Variants in C1QTNF7 observed in about 807,000 individuals in gnomAD.
C1QTNF7 encodes complement C1q tumor necrosis factor-related protein 7.
A neutral mutation model predicts 19.6 loss-of-function variants in C1QTNF7; 15 were observed. That is an observed-to-expected ratio of 0.76 (90% CI 0.51 to 1.18). The LOEUF is 1.18. Among genes scored for constraint, C1QTNF7 ranks in the 50% most tolerant of loss-of-function variants. C1QTNF7 has a pLI of 0.00. For missense variants in C1QTNF7, 324 were observed against 359.7 expected (o/e 0.90, Z 0.80); for synonymous variants, 142 against 137.5 (o/e 1.03, Z -0.23).
intron 1 of C1QTNF7, among the ~76,000 whole-genome samples, chr4:15,414,600 C>A (rs1428222016): frequency 6.6e-6 from 1 of 151,950 alleles, no homozygotes; most frequent in South Asian, 2.1e-4. Flanking sequence ...AGTTCCCCAA[C>A]CTGACTAGAA....
chr4:15,374,662 T>C, intron 1 of C1QTNF7: 1 of 985,268 alleles, frequency 1.0e-6, no homozygotes, highest in African/African-American at 1.7e-5. Context: ...CCCCAAAGAA[T>C]TATGAATAAT....
chr4:15,402,960 G>A (rs78245492), intron 1 of C1QTNF7, among the ~76,000 whole-genome samples: 7 of 149,760 alleles, frequency 4.7e-5, no homozygotes, highest in African/African-American at 1.7e-4. Context: ...AGAGGTGAAA[G>A]TTTGTTTTGC....
At chr4:15,412,334 C>G (rs1173435889) in intron 1 of C1QTNF7, among the ~76,000 whole-genome samples, 1 of 152,002 alleles carries the variant, frequency 6.6e-6, no homozygotes, top group African/African-American at 2.4e-5. Flanking sequence ...CCACCCCCAC[C>G]AGTCTGTGGG....
At chr4:15,372,172 A>T (rs1040075613) in intron 1 of C1QTNF7, among the ~76,000 whole-genome samples, 1 of 152,184 alleles carries the variant, frequency 6.6e-6, no homozygotes, top group African/African-American at 2.4e-5. Context: ...CAGGCTTGCT[A>T]TGGACTGAAT....
rs368955301 is a variant in C1QTNF7 at position 15,397,378 on chromosome 4, C to T, written c.14-38358C>T. Among the ~76,000 whole-genome samples, 70 of 152,330 alleles carry T rather than the reference C, an allele frequency of 4.6e-4. No homozygotes were observed. In the East Asian group the frequency reaches 0.011, roughly 23 times the overall value. ...CCACAGTGGACTCTATAGCTACTCG[C>T]CTGCTCTGCAACCTCCTGGGCCTAA... is the stretch of plus-strand genomic sequence containing the variant. On this transcript the variant is annotated intron_variant, in intron 1 of 2. Transcript: ENST00000295297.
chr4:15,408,012 T>C lies in C1QTNF7; in HGVS notation c.14-27724T>C, dbSNP rs915556006. Among the ~76,000 whole-genome samples the C allele has an allele frequency of 5.9e-5, 9 of 152,320 alleles. No homozygotes were observed. The South Asian group carries it at 1.9e-3, about 32-fold the overall frequency. On this transcript the variant is annotated intron_variant, in intron 1 of 2. Transcript: ENST00000295297. ...GGCCGGGCTTGGTGGCTCACGCCTGTAATCCCAGCACTTTGGGAGGCCGAG... is the reference window on the plus strand; with the variant it reads ...GGCCGGGCTTGGTGGCTCACGCCTGCAATCCCAGCACTTTGGGAGGCCGAG...
chr4:15,356,165 T>C (rs1289839470), intron 1 of C1QTNF7, among the ~76,000 whole-genome samples: 1 of 152,138 alleles, frequency 6.6e-6, no homozygotes, highest in Non-Finnish European at 1.5e-5. Context: ...GTTTGTTACA[T>C]AGGTATACAC....
chr4:15,386,911 A>G (rs1227238157), intron 1 of C1QTNF7, among the ~76,000 whole-genome samples: 1 of 152,104 alleles, frequency 6.6e-6, no homozygotes, highest in Non-Finnish European at 1.5e-5. Context: ...GCTTTTATTC[A>G]GAGTAAGAAG....
intron 1 of C1QTNF7, among the ~76,000 whole-genome samples, chr4:15,431,049 AGAT>A (rs370447690): frequency 2.1e-5 from 3 of 140,810 alleles, no homozygotes; most frequent in African/African-American, 8.5e-5. Flanking sequence ...TAAGATAGAT[AGAT>A]GATAGATAGA....
At chr4:15,350,165 G>GGGAA (rs1716866128) in intron 1 of C1QTNF7, among the ~76,000 whole-genome samples, 1 of 95,718 alleles carries the variant, frequency 1.0e-5, no homozygotes. Context: ...AAGGGAGGGA[G>GGGAA]GGAGCGAAGG....
chr4:15,345,294 G>A (rs1039847764), intron 1 of C1QTNF7, among the ~76,000 whole-genome samples: 18 of 152,182 alleles, frequency 1.2e-4, no homozygotes, highest in African/African-American at 3.9e-4. Flanking sequence ...TTTGGAATCC[G>A]TGTATTCTGC....
chr4:15,418,196 C>T (rs1425586003), intron 1 of C1QTNF7, among the ~76,000 whole-genome samples: 1 of 152,160 alleles, frequency 6.6e-6, no homozygotes, highest in Admixed American at 6.5e-5. Flanking sequence ...TCTTTGCCCA[C>T]TCAGCTGCAT....
At chr4:15,435,682 C>T in intron 1 of C1QTNF7, 54 bp from the exon 2 acceptor site, 1 of 1,599,788 alleles carries the variant, frequency 6.3e-7, no homozygotes, top group Non-Finnish European at 8.5e-7. Context: ...TCATGCCAAA[C>T]CACACCCCTC....
intron 1 of C1QTNF7, among the ~76,000 whole-genome samples, chr4:15,389,210 A>G (rs1404525504): frequency 6.6e-6 from 1 of 152,152 alleles, no homozygotes; most frequent in Non-Finnish European, 1.5e-5. Context: ...ATAGGAGATG[A>G]AAGTCCACAG....
intron 1 of C1QTNF7, among the ~76,000 whole-genome samples, chr4:15,350,992 C>T (rs762711424): frequency 2.0e-5 from 3 of 152,180 alleles, no homozygotes; most frequent in Non-Finnish European, 4.4e-5. Context: ...AAATCCAAGC[C>T]GTCAGTTTCC....
chr4:15,404,807 A>T (rs1719134529), intron 1 of C1QTNF7, among the ~76,000 whole-genome samples: 1 of 152,248 alleles, frequency 6.6e-6, no homozygotes, highest in Non-Finnish European at 1.5e-5. Context: ...ATGTCTGCAC[A>T]GCACAACAGA....
chr4:15,375,602 T>C (rs529198646), intron 1 of C1QTNF7, among the ~76,000 whole-genome samples: 15 of 152,336 alleles, frequency 9.8e-5, no homozygotes, highest in Non-Finnish European at 1.8e-4. Context: ...TTTGTTTGGA[T>C]CAGCCTTTGT....
intron 1 of C1QTNF7, chr4:15,374,455 A>T: frequency 1.7e-6 from 1 of 601,602 alleles, no homozygotes; most frequent in Non-Finnish European, 2.1e-6. Context: ...GAGCGAGCCA[A>T]CAGATAAAGA....
chr4:15,350,103 AAGGG>A (rs141289255), intron 1 of C1QTNF7, among the ~76,000 whole-genome samples: 14 of 96,348 alleles, frequency 1.5e-4, no homozygotes, highest in African/African-American at 6.0e-4. Context: ...GGGAGAGAGG[AAGGG>A]AGGCAGGCAG....
Sources: gnomAD v4.1 joint callset for allele counts (sites outside exome capture counted in the v4.1 genomes callset) on GRCh38, gnomAD v4.1.1 for gene constraint, MANE v1.5 for transcripts, NCBI Gene and HGNC (gene_info 2026-07-23, HGNC 2026-07-21) for gene names.